The following TRIM16 variants were observed in gnomAD, a reference collection of about 807,000 sequenced individuals.
The protein encoded by TRIM16 is tripartite motif-containing protein 16.
TRIM16 carries 33 observed loss-of-function variants against 50.4 expected under a neutral mutation model. The observed-to-expected ratio is 0.65, with a 90% confidence interval of 0.50 to 0.88. TRIM16 has a LOEUF of 0.88. TRIM16 is among the 40% of genes least tolerant of loss of function. TRIM16 has a pLI of 0.00. For synonymous variants in TRIM16, 229 were observed against 270.7 expected (o/e 0.85, Z 1.51); for missense variants, 581 against 686.8 (o/e 0.85, Z 1.72).
At chr17:15,678,250 G>A (rs1423805029) in intron 4 of TRIM16, among the ~76,000 whole-genome samples, 1 of 151,754 alleles carries the variant, frequency 6.6e-6, no homozygotes, top group Non-Finnish European at 1.5e-5. Context: ...TCAGAAATAT[G>A]GAGAGTTATA....
At chr17:15,638,382 C>T (rs1986952441) in intron 8 of TRIM16, among the ~76,000 whole-genome samples, 1 of 148,254 alleles carries the variant, frequency 6.7e-6, no homozygotes, top group Admixed American at 6.7e-5. Flanking sequence ...ACCATCCTGG[C>T]TAACATGGTG....
intron 8 of TRIM16, among the ~76,000 whole-genome samples, chr17:15,637,769 G>A (rs1183138560): frequency 8.5e-5 from 10 of 117,968 alleles, no homozygotes; most frequent in Non-Finnish European, 1.3e-4. Flanking sequence ...CATTGAGAAC[G>A]GGCCAGGATG....
At chr17:15,635,967 T>G (rs374331393) in intron 9 of TRIM16, 69 bp downstream of exon 9, 34,853 of 1,540,176 alleles carry the variant, frequency 0.023, 2,054 homozygotes, top group African/African-American at 0.17. Flanking sequence ...CAGATGGCCA[T>G]GGGCCTAGCA....
At position 15,656,660 on chromosome 17, in the gene TRIM16, C is replaced by T. The variant is rs150930026; in HGVS notation, c.-337-4714G>A. On this transcript the variant is annotated intron_variant, in intron 6 of 11. Transcript: ENST00000649191. ...CCCCTTAGTGACAGAAGATTTAACG[C>T]TTCTGGCTCCCAGCCTCCCCCTCTA... Among the ~76,000 whole-genome samples, 4 of 152,308 alleles carry T rather than the reference C, an allele frequency of 2.6e-5. No homozygotes were observed. In the East Asian group the frequency reaches 5.8e-4, roughly 22 times the overall value.
intron 6 of TRIM16, among the ~76,000 whole-genome samples, chr17:15,656,243 C>T (rs1015448845): frequency 6.6e-6 from 1 of 152,148 alleles, no homozygotes; most frequent in Non-Finnish European, 1.5e-5. Flanking sequence ...GCTCAAACCC[C>T]CAGCACCCAA....
chr17:15,681,078 T>C, intron 3 of TRIM16, 125 bp from the exon 4 acceptor site: 1 of 822,150 alleles, frequency 1.2e-6, no homozygotes, highest in Non-Finnish European at 1.9e-6. Context: ...TGAAGGATTT[T>C]ACAGACATCT....
chr17:15,671,221 T>C (rs1298505869), intron 6 of TRIM16, among the ~76,000 whole-genome samples: 6 of 152,022 alleles, frequency 3.9e-5, no homozygotes, highest in Non-Finnish European at 5.9e-5. Flanking sequence ...GCATGTAAGA[T>C]GAAAACAGGG....
intron 11 of TRIM16, 30 bp downstream of exon 11, chr17:15,631,589 C>G: frequency 6.2e-7 from 1 of 1,613,398 alleles, no homozygotes; most frequent in South Asian, 1.1e-5. Flanking sequence ...ATATCAACAA[C>G]TGGAGAAGCG....
chr17:15,669,898 AC>A (rs1988655171), intron 6 of TRIM16, among the ~76,000 whole-genome samples: 1 of 151,656 alleles, frequency 6.6e-6, no homozygotes, highest in Non-Finnish European at 1.5e-5. Flanking sequence ...TGCCAGTAAC[AC>A]CCCCTCCCCC....
chr17:15,632,974 CA>C, intron 9 of TRIM16: 1 of 222,508 alleles, frequency 4.5e-6, no homozygotes, highest in Non-Finnish European at 8.7e-6. Flanking sequence ...GACTGGGGAC[CA>C]AAAAATAAAG....
At position 15,651,764 on chromosome 17, in the gene TRIM16, C is replaced by T; in HGVS notation, c.-155G>A. Reference sequence around the variant, plus strand: ...CCAGAGGAAGCTCGGCCACTCATTACTGTGTGCTGGCGCTGGATGGCAGCC... The same window carrying T: ...CCAGAGGAAGCTCGGCCACTCATTATTGTGTGCTGGCGCTGGATGGCAGCC... On this transcript the variant is annotated 5_prime_UTR_variant, in exon 7 of 12. Coordinates refer to ENST00000649191, the MANE Select transcript of TRIM16 (RefSeq NM_001348119.1). 6.7e-7 allele frequency: 1 copy of T among 1,497,206 alleles called. No homozygotes were observed. Among genetic ancestry groups the T allele is most frequent in the African/African-American group, 1.4e-5 (1 of 72,164 alleles). The allele number at this position is 1,497,206 out of a possible 1,614,324, so 92.7% of individuals were successfully genotyped here.
At chr17:15,658,113 A>G (rs1277764456) in intron 6 of TRIM16, among the ~76,000 whole-genome samples, 1 of 152,216 alleles carries the variant, frequency 6.6e-6, no homozygotes, top group Non-Finnish European at 1.5e-5. Context: ...GGCAATTGGC[A>G]GTAGGTAGGT....
intron 6 of TRIM16, among the ~76,000 whole-genome samples, chr17:15,663,218 T>C (rs1468740474): frequency 6.6e-6 from 1 of 152,238 alleles, no homozygotes; most frequent in African/African-American, 2.4e-5. Flanking sequence ...CAGTCTGGCC[T>C]GGCCTGGCAG....
In TRIM16 at chr17:15,677,180, A is replaced by G. The variant is rs1354169933; in HGVS notation, c.-342T>C. On this transcript the variant is annotated 5_prime_UTR_variant, in exon 6 of 12. Coordinates refer to ENST00000649191, the MANE Select transcript of TRIM16 (RefSeq NM_001348119.1). ...ATCTGCCTTGTTCTCACTTACGTGT[A>G]CCGCTGCTTCTTGGCACCTCTCCCT... is the stretch of plus-strand genomic sequence containing the variant. 7 of 985,310 alleles carry G rather than the reference A, an allele frequency of 7.1e-6. No individual in the cohort carries two copies. Among genetic ancestry groups the G allele is most frequent in the Non-Finnish European group, 8.4e-6 (7 of 829,944 alleles). 61.0% of individuals were successfully genotyped at this position (985,310 alleles called of 1,614,324 possible).
At chr17:15,652,150 CT>C (rs200450452) in intron 6 of TRIM16, 3,779 of 149,258 alleles carry the variant, frequency 0.025, 53 homozygotes, top group African/African-American at 0.063. Flanking sequence ...CTTTTCTTTT[CT>C]TTTTTTTTTT....
At chr17:15,673,373 A>C (rs911584661) in intron 6 of TRIM16, among the ~76,000 whole-genome samples, 2 of 152,250 alleles carry the variant, frequency 1.3e-5, no homozygotes, top group African/African-American at 4.8e-5. Context: ...TGCCTTCTGT[A>C]ATTCAAGCCC....
At chr17:15,641,224 T>A (rs151053373) in intron 8 of TRIM16, among the ~76,000 whole-genome samples, 3 of 148,078 alleles carry the variant, frequency 2.0e-5, no homozygotes, top group African/African-American at 7.5e-5. Context: ...TTACTTACCA[T>A]GAAAATGATG....
intron 8 of TRIM16, among the ~76,000 whole-genome samples, chr17:15,640,817 T>G (rs193066634): frequency 6.7e-6 from 1 of 148,348 alleles, no homozygotes; most frequent in Non-Finnish European, 1.5e-5. Context: ...AGGCTCCAGG[T>G]AGCCAGGCTC....
chr17:15,641,233 T>G (rs1987102829), intron 8 of TRIM16, among the ~76,000 whole-genome samples: 1 of 148,130 alleles, frequency 6.8e-6, no homozygotes, highest in Admixed American at 6.7e-5. Flanking sequence ...ATGAAAATGA[T>G]GACAAGCAGA....
Sources: gnomAD v4.1 joint callset for allele counts (sites outside exome capture counted in the v4.1 genomes callset) on GRCh38, gnomAD v4.1.1 for gene constraint, MANE v1.5 for transcripts, NCBI Gene and HGNC (gene_info 2026-07-23, HGNC 2026-07-21) for gene names.